The following TMEM132B variants were observed in gnomAD, a reference collection of about 807,000 sequenced individuals.
The protein encoded by TMEM132B is transmembrane protein 132B.
Under a neutral mutation model 90.8 loss-of-function variants are expected in TMEM132B, and 18 were observed. That is an observed-to-expected ratio of 0.20 (90% CI 0.14 to 0.29). The LOEUF is 0.29. Ranked by LOEUF, TMEM132B falls within the 10% of genes least tolerant of loss-of-function variation. TMEM132B has a pLI of 1.00. For missense variants in TMEM132B, 1,096 were observed against 1,326.8 expected (o/e 0.83, Z 2.70); for synonymous variants, 504 against 523.3 (o/e 0.96, Z 0.50).
chr12:125,503,245 C>T (rs974228270), intron 3 of TMEM132B, among the ~76,000 whole-genome samples: 2 of 152,174 alleles, frequency 1.3e-5, no homozygotes, highest in Admixed American at 1.3e-4. Flanking sequence ...TGTGCTTTGT[C>T]TCCTGGCACC....
chr12:125,525,595 G>A (rs987456335), intron 4 of TMEM132B, among the ~76,000 whole-genome samples: 7 of 152,236 alleles, frequency 4.6e-5, no homozygotes, highest in African/African-American at 1.4e-4. Flanking sequence ...CCAGAACTGT[G>A]AGGAAGTAAA....
At chr12:125,284,290 C>A (rs1433456133) in intron 1 of TMEM132B, among the ~76,000 whole-genome samples, 1 of 152,216 alleles carries the variant, frequency 6.6e-6, no homozygotes, top group Non-Finnish European at 1.5e-5. Context: ...GCCAGTGTTA[C>A]ATGAATCTTT....
At chr12:125,479,808 C>A (rs1345269521) in intron 3 of TMEM132B, among the ~76,000 whole-genome samples, 1 of 152,220 alleles carries the variant, frequency 6.6e-6, no homozygotes, top group Admixed American at 6.5e-5. Flanking sequence ...AATATACATT[C>A]TTCTCAGCAC....
intron 5 of TMEM132B, among the ~76,000 whole-genome samples, chr12:125,610,300 C>T (rs1173056513): frequency 3.3e-5 from 5 of 152,122 alleles, no homozygotes; most frequent in Non-Finnish European, 7.4e-5. Flanking sequence ...AGAAGATATC[C>T]TATCTTCTTG....
At chr12:125,374,048 G>A (rs910566019) in intron 2 of TMEM132B, among the ~76,000 whole-genome samples, 1 of 152,196 alleles carries the variant, frequency 6.6e-6, no homozygotes, top group African/African-American at 2.4e-5. Context: ...GTCTGCCTCA[G>A]CCTCCCAAAG....
At chr12:125,374,038 G>C (rs1878392823) in intron 2 of TMEM132B, among the ~76,000 whole-genome samples, 1 of 152,164 alleles carries the variant, frequency 6.6e-6, no homozygotes, top group African/African-American at 2.4e-5. Context: ...CAAGTGAACT[G>C]TCTGCCTCAG....
chr12:125,494,543 C>G (rs1375684535), intron 3 of TMEM132B, among the ~76,000 whole-genome samples: 1 of 121,344 alleles, frequency 8.2e-6, no homozygotes, highest in Non-Finnish European at 1.7e-5. Context: ...ATGGCTGTGT[C>G]CCTCCTCCCT....
Position 125,654,574 on chromosome 12 carries a change from C to A in TMEM132B, c.3116C>A (p.Pro1039Gln). The A allele has an allele frequency of 1.2e-6, 2 of 1,614,202 alleles. No homozygotes were observed. The highest frequency in any genetic ancestry group is 1.7e-6 in the Non-Finnish European group (2 of 1,180,050). Residue 1039 changes from proline (P) to glutamine (Q), a missense_variant, in exon 9 of 9, where the codon CCA becomes CAA. Coordinates refer to ENST00000682704, the MANE Select transcript of TMEM132B (RefSeq NM_001366854.1). This position sits in a 1 kb window ranked among gnomAD's most constrained non-coding sequence, Gnocchi z 5.8. ...TTCACTTCCTACACCACCATCCTCC[C>A]AGAGGACGGCGGCCCATACACCAAC... ...VKFTSYTTIL[P>Q]EDGGPYTNSI...
At chr12:125,571,918 T>C (rs1351994456) in intron 4 of TMEM132B, among the ~76,000 whole-genome samples, 1 of 152,232 alleles carries the variant, frequency 6.6e-6, no homozygotes, top group East Asian at 1.9e-4. Flanking sequence ...CTAATATCCT[T>C]TATAGCAAAA....
chr12:125,596,388 C>G (rs1885441315), intron 5 of TMEM132B, among the ~76,000 whole-genome samples: 1 of 152,166 alleles, frequency 6.6e-6, no homozygotes, highest in Non-Finnish European at 1.5e-5. Context: ...CTTCCAGAAG[C>G]AAAAGATCAT....
At chr12:125,383,946 T>C (rs1878754274) in intron 2 of TMEM132B, among the ~76,000 whole-genome samples, 1 of 152,182 alleles carries the variant, frequency 6.6e-6, no homozygotes, top group South Asian at 2.1e-4. Context: ...TCTGTATTTC[T>C]TTCTTTCTTT....
At chr12:125,253,929 T>C (rs1874372097) in intron 1 of TMEM132B, among the ~76,000 whole-genome samples, 1 of 152,198 alleles carries the variant, frequency 6.6e-6, no homozygotes, top group Non-Finnish European at 1.5e-5. Flanking sequence ...TGTTTGTCTT[T>C]GTTTCTGTGG....
chr12:125,510,574 T>G (rs1486247588), intron 3 of TMEM132B, among the ~76,000 whole-genome samples: 1 of 152,206 alleles, frequency 6.6e-6, no homozygotes, highest in African/African-American at 2.4e-5. Context: ...CGTAAAATAT[T>G]TCTTGATTAG....
chr12:125,195,144 C>A (rs554105526), intron 1 of TMEM132B, among the ~76,000 whole-genome samples: 1 of 152,252 alleles, frequency 6.6e-6, no homozygotes, highest in East Asian at 1.9e-4. Flanking sequence ...TCCTGCCTTC[C>A]TGCCTTTGTC....
intron 4 of TMEM132B, among the ~76,000 whole-genome samples, chr12:125,575,084 T>TATATATATATATATATATATATATATA: frequency 1.0e-4 from 2 of 19,698 alleles, no homozygotes; most frequent in Admixed American, 7.1e-4. Flanking sequence ...ATATATATAT[T>TATATATATATATATATATATATATATA]CAGGAGTAGA....
intron 1 of TMEM132B, among the ~76,000 whole-genome samples, chr12:125,254,237 T>G (rs1407802934): frequency 6.6e-6 from 1 of 151,788 alleles, no homozygotes; most frequent in African/African-American, 2.4e-5. Context: ...GCCACGTTTG[T>G]GCCATTGCAC....
At chr12:125,623,960 A>G (rs1434577627) in intron 5 of TMEM132B, among the ~76,000 whole-genome samples, 3 of 152,220 alleles carry the variant, frequency 2.0e-5, no homozygotes, top group African/African-American at 7.2e-5. Flanking sequence ...CAAGATGTTA[A>G]GATTCTACGA....
chr12:125,424,132 C>T (rs1380892881), intron 3 of TMEM132B, among the ~76,000 whole-genome samples: 1 of 152,144 alleles, frequency 6.6e-6, no homozygotes, highest in East Asian at 1.9e-4. Flanking sequence ...AACATTGCTA[C>T]TGGCCATTTT....
At chr12:125,652,371 A>C (rs1471895183) in intron 7 of TMEM132B, 70 bp from the exon 8 acceptor site, 2 of 1,430,642 alleles carry the variant, frequency 1.4e-6, no homozygotes, top group South Asian at 1.5e-5. Flanking sequence ...CTTTGTTGGG[A>C]GCCCCAGTTA....
Sources: allele counts gnomAD v4.1 joint callset (sites outside exome capture counted in the v4.1 genomes callset), GRCh38; gene constraint gnomAD v4.1.1; non-coding constraint Gnocchi (gnomAD v3.1); transcripts MANE v1.5; gene names NCBI Gene and HGNC (gene_info 2026-07-23, HGNC 2026-07-21).